The following DOCK2 variants were observed in gnomAD, a reference collection of about 807,000 sequenced individuals.
DOCK2 encodes the protein dedicator of cytokinesis protein 2.
DOCK2 carries 87 observed loss-of-function variants against 248.9 expected under a neutral mutation model. That is an observed-to-expected ratio of 0.35 (90% CI 0.29 to 0.42). The LOEUF is 0.42. DOCK2 is among the 10% of genes least tolerant of loss of function. The pLI is 1.00. For missense variants in DOCK2, 1,747 were observed against 2,300.2 expected (o/e 0.76, Z 4.92); for synonymous variants, 805 against 821.6 (o/e 0.98, Z 0.35).
intron 27 of DOCK2, among the ~76,000 whole-genome samples, chr5:169,854,973 G>T (rs1289643230): frequency 1.3e-5 from 2 of 152,202 alleles, no homozygotes; most frequent in African/African-American, 4.8e-5. Context: ...GTTATAGAGA[G>T]GAGGTGACAT....
chr5:169,662,723 A>G (rs889526683), intron 2 of DOCK2, among the ~76,000 whole-genome samples: 2 of 152,194 alleles, frequency 1.3e-5, no homozygotes, highest in African/African-American at 4.8e-5. Flanking sequence ...ACTTACTATC[A>G]CAAGAACAGA....
At chr5:169,925,444 G>T (rs1263690232) in intron 27 of DOCK2, among the ~76,000 whole-genome samples, 1 of 152,006 alleles carries the variant, frequency 6.6e-6, no homozygotes, top group Non-Finnish European at 1.5e-5. Flanking sequence ...ACTGAGCGTG[G>T]TGTTGTGCAC....
chr5:169,947,822 A>G (rs114628938), intron 27 of DOCK2, among the ~76,000 whole-genome samples: 1 of 152,192 alleles, frequency 6.6e-6, no homozygotes, highest in Non-Finnish European at 1.5e-5. Flanking sequence ...ATGAGCATAC[A>G]TAAATACATA....
At chr5:170,067,887 T>C (rs575403820) in intron 45 of DOCK2, among the ~76,000 whole-genome samples, 24 of 152,272 alleles carry the variant, frequency 1.6e-4, no homozygotes, top group Non-Finnish European at 2.9e-4. Context: ...CAGCCTCTTT[T>C]CCATACCCTG....
intron 23 of DOCK2, among the ~76,000 whole-genome samples, chr5:169,754,539 C>T (rs949159902): frequency 6.6e-6 from 1 of 152,178 alleles, no homozygotes; most frequent in African/African-American, 2.4e-5. Flanking sequence ...GTCAGAAGAA[C>T]TGCACTTTAT....
At chr5:169,804,852 A>T (rs940521586) in intron 26 of DOCK2, among the ~76,000 whole-genome samples, 2 of 152,178 alleles carry the variant, frequency 1.3e-5, no homozygotes, top group African/African-American at 2.4e-5. Context: ...CTCCTACCTC[A>T]TTTAATGGAA....
At chr5:169,976,119 C>T (rs965931493) in intron 27 of DOCK2, among the ~76,000 whole-genome samples, 1 of 152,190 alleles carries the variant, frequency 6.6e-6, no homozygotes, top group Non-Finnish European at 1.5e-5. Context: ...ATAATAAATT[C>T]AATCTCCCAT....
At chr5:169,867,440 T>G (rs1771644740) in intron 27 of DOCK2, among the ~76,000 whole-genome samples, 1 of 145,908 alleles carries the variant, frequency 6.9e-6, no homozygotes, top group African/African-American at 2.5e-5. Flanking sequence ...TGTCTGTCTA[T>G]CTATCTATCT....
intron 41 of DOCK2, among the ~76,000 whole-genome samples, chr5:170,053,640 AG>A (rs901046722): frequency 4.1e-4 from 63 of 152,344 alleles, no homozygotes; most frequent in African/African-American, 1.5e-3. Flanking sequence ...ACATGGCTTG[AG>A]AAAGAAAATG....
chr5:169,843,824 GTCT>G (rs1475929477), intron 27 of DOCK2, among the ~76,000 whole-genome samples: 2 of 152,226 alleles, frequency 1.3e-5, no homozygotes, highest in East Asian at 3.9e-4. Flanking sequence ...ATTTGTGTCT[GTCT>G]TCTTTCCTTA....
At position 170,083,054 on chromosome 5, in the gene DOCK2, C is replaced by T; in HGVS notation, c.*196C>T. 1 of 629,820 alleles carries T rather than the reference C, an allele frequency of 1.6e-6. No homozygotes were observed. Among genetic ancestry groups the T allele is most frequent in the Admixed American group, 2.9e-5 (1 of 34,468 alleles). The allele number at this position is 629,820 out of a possible 1,614,324, so 39.0% of individuals were successfully genotyped here. A position where few individuals can be genotyped will look rare whatever the true frequency, so the allele number is the denominator to read the frequency against. On this transcript the variant is annotated 3_prime_UTR_variant, in exon 52 of 52. Transcript: ENST00000520908. Reference sequence around the variant, plus strand: ...GCCCAGCATCCCCTGGGGCTGTGATCATGGTGGATGAGGAAGCCTCAACGT... The same window carrying T: ...GCCCAGCATCCCCTGGGGCTGTGATTATGGTGGATGAGGAAGCCTCAACGT...
Position 169,711,943 on chromosome 5 carries a change from C to T in DOCK2, c.1491C>T (p.Val497=), listed in dbSNP as rs758416778. ...TGTTTCTGTCTGCTGAGGTGGCTGTCCCTATTGAAGACATGCAGAGGATCC... is the reference window on the plus strand; with the variant it reads ...TGTTTCTGTCTGCTGAGGTGGCTGTTCCTATTGAAGACATGCAGAGGATCC... ...PRWMETVKVA[V]PIEDMQRIHL... is the part of the protein sequence containing the mutation. The change falls in exon 16 of 52, where the codon GTC becomes GTT. Residue 497 remains valine, a synonymous_variant. Transcript: ENST00000520908. The T allele has an allele frequency of 1.2e-6, 2 of 1,613,932 alleles. No individual in the cohort carries two copies. The highest frequency in any genetic ancestry group is 1.7e-6 in the Non-Finnish European group (2 of 1,179,928).
At chr5:169,932,674 C>A (rs1324593381) in intron 27 of DOCK2, among the ~76,000 whole-genome samples, 2 of 151,746 alleles carry the variant, frequency 1.3e-5, no homozygotes, top group Admixed American at 1.3e-4. Context: ...AGGAGAAAAC[C>A]CAAGGCTCTT....
At position 169,780,295 on chromosome 5, in the gene DOCK2, A is replaced by ATGTGTGTG. The variant is rs3138738; in HGVS notation, c.2554+18708_2554+18715dup. ...TTTTAAGGCTCCCCCAACCCAATAA[A>ATGTGTGTG]TGTGTGTGTGTGTGTGTGTGTGTGT... On this transcript the variant is annotated intron_variant, in intron 25 of 51. Transcript: ENST00000520908. Among the ~76,000 whole-genome samples the ATGTGTGTG allele has an allele frequency of 8.7e-4, 120 of 137,786 alleles. 1 individual carries two copies. The highest frequency in any genetic ancestry group is 2.2e-3 in the African/African-American group (80 of 36,684). 90.4% of individuals were successfully genotyped at this position (137,786 alleles called of 152,430 possible). A position where few individuals can be genotyped will look rare whatever the true frequency, so the allele number is the denominator to read the frequency against.
intron 45 of DOCK2, among the ~76,000 whole-genome samples, 161 bp downstream of exon 45, chr5:170,067,847 C>T (rs1757548169): frequency 6.6e-6 from 1 of 152,162 alleles, no homozygotes; most frequent in Admixed American, 6.5e-5. Context: ...TCTATAGCCT[C>T]ATGTCTTAGC....
At chr5:170,076,572 G>C (rs567241873) in intron 47 of DOCK2, among the ~76,000 whole-genome samples, 1 of 152,232 alleles carries the variant, frequency 6.6e-6, no homozygotes, top group South Asian at 2.1e-4. Context: ...GATTTTGACC[G>C]CTGAGCTCCT....
chr5:169,858,281 G>A (rs889087208), intron 27 of DOCK2, among the ~76,000 whole-genome samples: 1 of 152,198 alleles, frequency 6.6e-6, no homozygotes, highest in African/African-American at 2.4e-5. Context: ...GGACTTCGAT[G>A]GTAAGGTCCC....
intron 25 of DOCK2, among the ~76,000 whole-genome samples, chr5:169,762,755 A>G (rs112596987): frequency 5.3e-4 from 80 of 152,292 alleles, no homozygotes; most frequent in African/African-American, 1.8e-3. Context: ...CAATTTCTCT[A>G]TCCACACTGG....
chr5:169,854,532 T>C (rs1770792263), intron 27 of DOCK2, among the ~76,000 whole-genome samples: 1 of 152,230 alleles, frequency 6.6e-6, no homozygotes, highest in Non-Finnish European at 1.5e-5. Flanking sequence ...GAACAGTCTG[T>C]AAAGCCAGAG....
Sources: allele counts gnomAD v4.1 joint callset (sites outside exome capture counted in the v4.1 genomes callset), GRCh38; gene constraint gnomAD v4.1.1; transcripts MANE v1.5; gene names NCBI Gene and HGNC (gene_info 2026-07-23, HGNC 2026-07-21).